The following NTM variants were observed in gnomAD, a reference collection of about 807,000 sequenced individuals.
The protein encoded by NTM is neurotrimin, also known as IgLON family member 2.
A neutral mutation model predicts 42.1 loss-of-function variants in NTM; 13 were observed. The observed-to-expected ratio is 0.31, with a 90% CI of 0.20 to 0.49. The LOEUF (loss-of-function observed/expected upper bound fraction) is 0.49, where lower values mean the gene tolerates loss of function less well. NTM is among the 20% of genes least tolerant of loss of function. The pLI is 0.99. For synonymous variants in NTM, 187 were observed against 179.2 expected (o/e 1.04, Z -0.35); for missense variants, 373 against 452.8 (o/e 0.82, Z 1.60).
intron 1 of NTM, among the ~76,000 whole-genome samples, chr11:131,800,269 A>C (rs2091990101): frequency 6.6e-6 from 1 of 152,224 alleles, no homozygotes; most frequent in Admixed American, 6.5e-5. Flanking sequence ...TTACCTAAAC[A>C]AGTGGAGTTT....
At chr11:132,224,199 C>T (rs956522119) in intron 4 of NTM, among the ~76,000 whole-genome samples, 69 of 152,270 alleles carry the variant, frequency 4.5e-4, no homozygotes, top group African/African-American at 8.9e-4. Context: ...ACAGACAACT[C>T]AACATTTTCT....
intron 1 of NTM, among the ~76,000 whole-genome samples, chr11:131,468,104 T>C (rs1952068011): frequency 6.6e-6 from 1 of 152,238 alleles, no homozygotes; most frequent in Non-Finnish European, 1.5e-5. Context: ...TTTAGTACGG[T>C]GGCTTCCACA....
Position 131,902,600 on chromosome 11 carries a change from T to C in NTM, c.83-8964T>C, listed in dbSNP as rs558694901. Among the ~76,000 whole-genome samples the C allele has an allele frequency of 3.9e-5, 6 of 152,354 alleles. No individual in the cohort carries two copies. The East Asian group carries it at 1.2e-3, about 29-fold the overall frequency. On this transcript the variant is annotated intron_variant, in intron 1 of 8. Coordinates refer to ENST00000683400, the MANE Select transcript of NTM (RefSeq NM_001352005.2). Reference sequence around the variant, plus strand: ...ACACTAACCCCTCTAATTAGGTGTTTGTTTGAAATCCATGTCTCAGTAGTC... The same window carrying C: ...ACACTAACCCCTCTAATTAGGTGTTCGTTTGAAATCCATGTCTCAGTAGTC...
intron 1 of NTM, among the ~76,000 whole-genome samples, chr11:131,873,216 A>G (rs2047980296): frequency 6.6e-6 from 1 of 152,024 alleles, no homozygotes; most frequent in Non-Finnish European, 1.5e-5. Flanking sequence ...TTTCAGGAAC[A>G]TGGATGAAGC....
At position 131,692,850 on chromosome 11, in the gene NTM, T is replaced by G. The variant is rs77558863; in HGVS notation, c.83-218714T>G. Among the ~76,000 whole-genome samples the G allele has an allele frequency of 7.6e-3, 1,163 of 152,260 alleles. 8 individuals are homozygous for G. Among genetic ancestry groups the G allele is most frequent in the Non-Finnish European group, 0.012 (821 of 68,020 alleles). On this transcript the variant is annotated intron_variant, in intron 1 of 8. Transcript: ENST00000683400. ...AAAGGAGACTCGATTGCCTAGTGAT[T>G]CCAGGAAAGAATCAAAGGGGTGAAT...
intron 2 of NTM, among the ~76,000 whole-genome samples, chr11:132,095,619 T>C (rs2060879727): frequency 6.6e-6 from 1 of 152,182 alleles, no homozygotes; most frequent in African/African-American, 2.4e-5. Flanking sequence ...GAGTTTTCTC[T>C]TCAGTAGTCG....
At chr11:131,501,256 A>C (rs2046791242) in intron 1 of NTM, among the ~76,000 whole-genome samples, 1 of 152,160 alleles carries the variant, frequency 6.6e-6, no homozygotes. Flanking sequence ...AGTGTTGTGA[A>C]GAATGTAAAG....
intron 1 of NTM, among the ~76,000 whole-genome samples, chr11:131,888,975 C>G (rs1407989081): frequency 6.6e-6 from 1 of 151,722 alleles, no homozygotes; most frequent in Non-Finnish European, 1.5e-5. Flanking sequence ...GGTGCAGCCT[C>G]TCTTTTCATT....
intron 1 of NTM, among the ~76,000 whole-genome samples, chr11:131,651,121 T>A (rs569612311): frequency 2.0e-5 from 3 of 152,330 alleles, no homozygotes; most frequent in South Asian, 2.1e-4. Context: ...CTCAAAAGTA[T>A]TTTTTTAAGT....
chr11:131,834,854 T>G (rs2043291734), intron 1 of NTM, among the ~76,000 whole-genome samples: 1 of 152,008 alleles, frequency 6.6e-6, no homozygotes, highest in Non-Finnish European at 1.5e-5. Context: ...ATATGTGGCC[T>G]AAAACATTTG....
chr11:131,766,559 A>C (rs1379098972), intron 1 of NTM, among the ~76,000 whole-genome samples: 1 of 145,042 alleles, frequency 6.9e-6, no homozygotes, highest in Admixed American at 7.3e-5. Flanking sequence ...TGACATTTCC[A>C]GGGGTCACAC....
At chr11:131,658,745 G>A (rs912495709) in intron 1 of NTM, among the ~76,000 whole-genome samples, 4 of 152,152 alleles carry the variant, frequency 2.6e-5, no homozygotes, top group East Asian at 3.9e-4. Context: ...CGAGGTGGGC[G>A]GATCACCAGA....
At chr11:131,665,529 C>G (rs1086216) in intron 1 of NTM, among the ~76,000 whole-genome samples, 1 of 152,148 alleles carries the variant, frequency 6.6e-6, no homozygotes, top group Admixed American at 6.5e-5. Flanking sequence ...TTATAGAAAG[C>G]GATTGGGACA....
intron 1 of NTM, among the ~76,000 whole-genome samples, chr11:131,640,617 T>C (rs575256644): frequency 1.5e-4 from 23 of 152,308 alleles, no homozygotes; most frequent in African/African-American, 5.3e-4. Context: ...ACTTGCAGGA[T>C]GTCTCACTCC....
chr11:131,409,308 G>A (rs1946127574), intron 1 of NTM, among the ~76,000 whole-genome samples: 1 of 152,234 alleles, frequency 6.6e-6, no homozygotes, highest in South Asian at 2.1e-4. Flanking sequence ...TGCACTTTGA[G>A]TCCTCATTGA....
At chr11:132,223,420 GC>G (rs764072035) in intron 4 of NTM, among the ~76,000 whole-genome samples, 33 of 152,228 alleles carry the variant, frequency 2.2e-4, no homozygotes, top group Non-Finnish European at 4.3e-4. Context: ...CTCATAAAAG[GC>G]GGACTGACAT....
chr11:131,972,042 C>CAAATAAAAAAAA (rs2063618932), intron 2 of NTM, among the ~76,000 whole-genome samples: 1 of 57,842 alleles, frequency 1.7e-5, no homozygotes, highest in Non-Finnish European at 3.3e-5. Flanking sequence ...GACTCCGTCT[C>CAAATAAAAAAAA]AAAAAAAAAA....
intron 2 of NTM, among the ~76,000 whole-genome samples, chr11:131,996,145 T>A (rs991594596): frequency 4.6e-5 from 7 of 152,266 alleles, no homozygotes; most frequent in Middle Eastern, 3.4e-3. Context: ...CTTTCTCTTA[T>A]GGGTTGCATC....
At chr11:131,875,273 A>G (rs2048371746) in intron 1 of NTM, among the ~76,000 whole-genome samples, 1 of 152,220 alleles carries the variant, frequency 6.6e-6, no homozygotes, top group Non-Finnish European at 1.5e-5. Context: ...AAGTTTCCCT[A>G]CACTTTAAAA....
Sources: allele counts gnomAD v4.1 joint callset (sites outside exome capture counted in the v4.1 genomes callset), GRCh38; gene constraint gnomAD v4.1.1; transcripts MANE v1.5; gene names NCBI Gene and HGNC (gene_info 2026-07-23, HGNC 2026-07-21).